Variants in ADGRF1 observed in about 807,000 individuals in gnomAD.
ADGRF1 encodes G protein-coupled receptor 110.
ADGRF1 carries 85 observed loss-of-function variants against 87.2 expected under a neutral mutation model. The ratio of observed to expected loss-of-function variants is 0.97; its 90% confidence interval spans 0.82 to 1.17. ADGRF1 has a LOEUF of 1.17. Among genes scored for constraint, ADGRF1 ranks in the 50% most tolerant of loss-of-function variants. The pLI is 0.00. For missense variants in ADGRF1, 1,169 were observed against 1,077.2 expected (o/e 1.09, Z -1.19); for synonymous variants, 430 against 408.8 (o/e 1.05, Z -0.63).
At chr6:47,011,158 T>G (rs1779693804) in intron 10 of ADGRF1, among the ~76,000 whole-genome samples, 1 of 152,242 alleles carries the variant, frequency 6.6e-6, no homozygotes, top group Non-Finnish European at 1.5e-5. Flanking sequence ...TTAGCATTTT[T>G]GTGTCATTTT....
intron 9 of ADGRF1, chr6:47,013,147 A>C: frequency 1.0e-6 from 1 of 985,472 alleles, no homozygotes; most frequent in Non-Finnish European, 1.2e-6. Context: ...GAAAGCAGCA[A>C]AGGAAGGCAG....
chr6:47,028,054 A>C (rs1423466073), intron 2 of ADGRF1, among the ~76,000 whole-genome samples: 1 of 152,174 alleles, frequency 6.6e-6, no homozygotes, highest in Non-Finnish European at 1.5e-5. Context: ...CAGGTTGTGC[A>C]GACCTTTATA....
chr6:47,035,238 G>A (rs897297759), intron 1 of ADGRF1, among the ~76,000 whole-genome samples: 4 of 152,268 alleles, frequency 2.6e-5, no homozygotes, highest in South Asian at 2.1e-4. Context: ...ATGGCATTCC[G>A]CAAAAGATGC....
chr6:47,028,911 T>C, intron 2 of ADGRF1, 82 bp downstream of exon 2: 1 of 1,063,982 alleles, frequency 9.4e-7, no homozygotes, highest in East Asian at 2.4e-5. Flanking sequence ...TGCAGTCCCC[T>C]AGAGAGTGAG....
rs753923682 is a variant in ADGRF1, at chr6:47,024,067, C to G, written c.428G>C (p.Ser143Thr). Residue 143 changes from serine (S) to threonine (T), a missense_variant, in exon 5 of 15, where the codon AGT (serine) becomes ACT (threonine). By Grantham distance (58) the Ser-to-Thr change is moderately conservative (BLOSUM62 1). Coordinates refer to ENST00000371253, the MANE Select transcript of ADGRF1 (RefSeq NM_153840.4). Reference sequence around the variant, plus strand: ...ACTTGTTCTCTCACAGAAATTGACACTCTGGCTGAGGTTGTTGAGATGACA... The same window carrying G: ...ACTTGTTCTCTCACAGAAATTGACAGTCTGGCTGAGGTTGTTGAGATGACA... ...CECHLNNLSQ[S>T]VNFCERTKIW... The G allele has an allele frequency of 6.2e-7, 1 of 1,613,922 alleles. No homozygotes were observed. Among genetic ancestry groups the G allele is most frequent in the Non-Finnish European group, 8.5e-7 (1 of 1,179,912 alleles).
At chr6:47,027,790 T>A in intron 2 of ADGRF1, 29 bp from the exon 3 acceptor site, 1 of 1,287,552 alleles carries the variant, frequency 7.8e-7, no homozygotes, top group African/African-American at 1.5e-5. Flanking sequence ...ATAGTTACGG[T>A]GAGACTTTGA....
In ADGRF1 at chr6:47,040,924, C is replaced by T. The variant is rs140292822; in HGVS notation, c.-44+1267G>A. On this transcript the variant is annotated intron_variant, in intron 1 of 14. Transcript: ENST00000371253. ...CAGACCCTGTTATTGGGACACTGTCCCTGTTTTTTAAGAAATTTACTCTAC... is the reference window on the plus strand; with the variant it reads ...CAGACCCTGTTATTGGGACACTGTCTCTGTTTTTTAAGAAATTTACTCTAC... Among the ~76,000 whole-genome samples the T allele has an allele frequency of 3.9e-5, 6 of 152,164 alleles. No homozygotes were observed. The East Asian group carries it at 1.2e-3, about 29-fold the overall frequency.
At chr6:47,031,270 TTC>T (rs375425604) in intron 1 of ADGRF1, among the ~76,000 whole-genome samples, 485 of 144,502 alleles carry the variant, frequency 3.4e-3, no homozygotes, top group Non-Finnish European at 3.8e-3. Context: ...TCTCTCTCTC[TTC>T]TCTCTCTCTC....
At chr6:47,018,084 G>A (rs1399169645) in intron 7 of ADGRF1, 1 of 212,176 alleles carries the variant, frequency 4.7e-6, no homozygotes, top group Admixed American at 5.4e-5. Flanking sequence ...GAGAGTCAGA[G>A]GATTCCCAGT....
At chr6:47,026,391 T>C (rs1780235205) in intron 3 of ADGRF1, among the ~76,000 whole-genome samples, 1 of 151,260 alleles carries the variant, frequency 6.6e-6, no homozygotes, top group African/African-American at 2.4e-5. Context: ...CCAGCTCTGA[T>C]CTCCTTGAAG....
At chr6:47,022,147 T>A in intron 5 of ADGRF1, 89 bp from the exon 6 acceptor site, 1 of 759,640 alleles carries the variant, frequency 1.3e-6, no homozygotes, top group Non-Finnish European at 2.2e-6. Context: ...CAATTCAGAG[T>A]CATCTATTCA....
At chr6:47,002,176 T>G (rs998056836) in intron 13 of ADGRF1, among the ~76,000 whole-genome samples, 2 of 152,226 alleles carry the variant, frequency 1.3e-5, no homozygotes, top group Non-Finnish European at 2.9e-5. Flanking sequence ...CATTTGTCCA[T>G]TAATTTACCA....
rs777686818 is a variant in ADGRF1, at chr6:47,001,549, A to AT, written c.2610dup (p.Ser871IlefsTer40). 31 of 1,613,720 alleles carry AT rather than the reference A, an allele frequency of 1.9e-5. No homozygotes were observed. The Admixed American group carries it at 5.2e-4, about 27-fold the overall frequency. ...GGCTTTGAGAATTTGGGTTTGGCAG[A>AT]TAAATCTGATGAGTTTTGCTGCACA... On this transcript the variant is annotated frameshift_variant, in exon 14 of 15. Transcript: ENST00000371253. LOFTEE classifies it low-confidence loss of function (END_TRUNC).
chr6:47,020,541 G>A, intron 7 of ADGRF1, 190 bp downstream of exon 7: 1 of 1,506,356 alleles, frequency 6.6e-7, no homozygotes, highest in Non-Finnish European at 8.8e-7. Context: ...ACTCATTTAA[G>A]TGAGAATCTA....
rs766332355 is a variant in ADGRF1, at chr6:47,009,978, G to C, written c.1457C>G (p.Thr486Ser). The C allele has an allele frequency of 1.2e-6, 2 of 1,614,138 alleles. No individual in the cohort carries two copies. The highest frequency in any genetic ancestry group is 2.2e-5 in the South Asian group (2 of 91,084). Residue 486 changes from threonine (T) to serine (S), a missense_variant, in exon 11 of 15, where the codon ACT becomes AGT. Thr to Ser is a moderately conservative substitution (Grantham distance 58). Coordinates refer to ENST00000371253, the MANE Select transcript of ADGRF1 (RefSeq NM_153840.4). ...PETIISMASLTLGNILPVSKN... is the reference protein window; with the variant it reads ...PETIISMASLSLGNILPVSKN... ...GGAAACGGGTAGAATGTTCCCCAGAGTCAACGAGGCCATGCTGATAATAGT... is the reference window on the plus strand; with the variant it reads ...GGAAACGGGTAGAATGTTCCCCAGACTCAACGAGGCCATGCTGATAATAGT...
intron 9 of ADGRF1, chr6:47,012,426 G>T: frequency 1.4e-6 from 1 of 697,882 alleles, no homozygotes; most frequent in Non-Finnish European, 1.9e-6. Context: ...CTTTGAGGGA[G>T]GTACCATTAT....
intron 10 of ADGRF1, 87 bp from the exon 11 acceptor site, chr6:47,010,405 G>A: frequency 9.0e-7 from 1 of 1,108,222 alleles, no homozygotes; most frequent in Non-Finnish European, 1.3e-6. Flanking sequence ...ATTAAGAATA[G>A]GAAAAATGCC....
At position 47,009,102 on chromosome 6, in the gene ADGRF1, A is replaced by G. The variant is rs1175446130; in HGVS notation, c.2333T>C (p.Leu778Pro). Residue 778 changes from leucine to proline, a missense_variant, in exon 11 of 15, where the codon CTG (leucine) becomes CCG (proline). Coordinates refer to ENST00000371253, the MANE Select transcript of ADGRF1 (RefSeq NM_153840.4). The part of the protein sequence containing the change: ...KLWRPTVGER[L>P]SRDDKATIIR... Reference sequence around the variant, plus strand: ...GATGGTGGCCTTGTCATCCCGACTCAGTCTTTCCCCAACAGTCGGCCTCCA... The same window carrying G: ...GATGGTGGCCTTGTCATCCCGACTCGGTCTTTCCCCAACAGTCGGCCTCCA... 1.2e-6 allele frequency: 2 copies of G among 1,614,062 alleles called. No homozygotes were observed. Among genetic ancestry groups the G allele is most frequent in the African/African-American group, 2.7e-5 (2 of 75,014 alleles).
chr6:47,027,225 G>GC (rs1780262382), intron 3 of ADGRF1, among the ~76,000 whole-genome samples: 2 of 152,146 alleles, frequency 1.3e-5, no homozygotes, highest in South Asian at 4.1e-4. Context: ...GTATAGCCTT[G>GC]CACAGTGATA....
Sources: gnomAD v4.1 joint callset for allele counts (sites outside exome capture counted in the v4.1 genomes callset) on GRCh38, gnomAD v4.1.1 for gene constraint, MANE v1.5 for transcripts, NCBI Gene and HGNC (gene_info 2026-07-23, HGNC 2026-07-21) for gene names.